Variants in RBM25 observed in about 807,000 individuals in gnomAD.
RBM25 encodes the protein RNA-binding protein 25.
In RBM25, 19 loss-of-function variants were observed where a neutral mutation model predicts 120.7. That is an observed-to-expected ratio of 0.16 (90% CI 0.11 to 0.23). The LOEUF (loss-of-function observed/expected upper bound fraction) is 0.23, where lower values mean the gene tolerates loss of function less well. Among genes scored for constraint, RBM25 ranks in the 10% least tolerant of loss-of-function variants. The pLI is 1.00. For synonymous variants in RBM25, 390 were observed against 326.7 expected, an observed-to-expected ratio of 1.19 and a Z score of -2.09; for missense variants, 605 against 1,041.5, an observed-to-expected ratio of 0.58 and a Z score of 5.77.
At chr14:73,084,593 C>T (rs1236556086) in intron 5 of RBM25, among the ~76,000 whole-genome samples, 1 of 152,030 alleles carries the variant, frequency 6.6e-6, no homozygotes, top group Non-Finnish European at 1.5e-5. Context: ...GCTCTTCTTG[C>T]CCAGGCTGGA....
At chr14:73,087,780 A>G (rs146926308) in intron 5 of RBM25, among the ~76,000 whole-genome samples, 1 of 152,242 alleles carries the variant, frequency 6.6e-6, no homozygotes, top group East Asian at 1.9e-4. Flanking sequence ...GTCTGATTTG[A>G]ATTTTTCTTC....
At chr14:73,073,075 T>C (rs1449860532) in intron 2 of RBM25, among the ~76,000 whole-genome samples, 1 of 152,110 alleles carries the variant, frequency 6.6e-6, no homozygotes, top group Admixed American at 6.6e-5. Context: ...TGCCACCATG[T>C]TCAGTTAATT....
chr14:73,076,606 A>G (rs1895428259), intron 3 of RBM25, among the ~76,000 whole-genome samples: 1 of 152,040 alleles, frequency 6.6e-6, no homozygotes, highest in African/African-American at 2.4e-5. Flanking sequence ...TTTTCCTGTT[A>G]CTATCTAGAC....
intron 1 of RBM25, among the ~76,000 whole-genome samples, chr14:73,069,261 T>C (rs1895217720): frequency 1.3e-5 from 2 of 152,198 alleles, no homozygotes; most frequent in East Asian, 3.8e-4. Flanking sequence ...AGGGAGAAAT[T>C]CACATGATGT....
intron 1 of RBM25, among the ~76,000 whole-genome samples, chr14:73,059,768 T>C (rs1322995356): frequency 6.6e-6 from 1 of 152,246 alleles, no homozygotes; most frequent in East Asian, 1.9e-4. Context: ...AAGTGAATCT[T>C]ATAGTATTCT....
At chr14:73,114,722 C>T (rs374099957) in intron 18 of RBM25, among the ~76,000 whole-genome samples, 4 of 152,168 alleles carry the variant, frequency 2.6e-5, no homozygotes, top group East Asian at 1.9e-4. Context: ...GGTGAAACCC[C>T]GTCTCTATGA....
At chr14:73,075,689 T>C (rs1340531840) in intron 2 of RBM25, among the ~76,000 whole-genome samples, 1 of 152,234 alleles carries the variant, frequency 6.6e-6, no homozygotes, top group Non-Finnish European at 1.5e-5. Flanking sequence ...TATTTTTTGT[T>C]GTTGTGAGAA....
At chr14:73,098,910 A>G (rs529488813) in intron 7 of RBM25, among the ~76,000 whole-genome samples, 2 of 152,316 alleles carry the variant, frequency 1.3e-5, no homozygotes, top group African/African-American at 2.4e-5. Flanking sequence ...CCCGACCCAT[A>G]ACTTTTCTAA....
chr14:73,071,516 A>C, intron 1 of RBM25, 111 bp from the exon 2 acceptor site: 1 of 743,098 alleles, frequency 1.3e-6, no homozygotes, highest in South Asian at 1.6e-5. Flanking sequence ...TTCTTTGGGT[A>C]AGAAAAGTTC....
intron 18 of RBM25, 90 bp downstream of exon 18, chr14:73,114,423 C>T (rs539307352): frequency 1.1e-5 from 10 of 921,388 alleles, no homozygotes; most frequent in South Asian, 6.7e-5. Flanking sequence ...GGTCTCACCA[C>T]GTTGCCCAGG....
chr14:73,113,673 CAA>C (rs1220235170), intron 17 of RBM25, among the ~76,000 whole-genome samples: 4 of 151,394 alleles, frequency 2.6e-5, no homozygotes, highest in African/African-American at 9.7e-5. Flanking sequence ...GCCTGTGTGA[CAA>C]GAGTGAGACT....
chr14:73,096,728 G>T (rs1324046975), intron 6 of RBM25, among the ~76,000 whole-genome samples, 187 bp from the exon 7 acceptor site: 1 of 152,150 alleles, frequency 6.6e-6, no homozygotes, highest in Non-Finnish European at 1.5e-5. Flanking sequence ...AAATGAAGTA[G>T]TATCTCAGGA....
intron 9 of RBM25, chr14:73,101,518 A>G: frequency 6.6e-6 from 1 of 150,572 alleles, no homozygotes; most frequent in East Asian, 1.9e-4. Flanking sequence ...GTGTGTATAT[A>G]TATATATATA....
At chr14:73,107,991 G>T in intron 13 of RBM25, 92 bp downstream of exon 13, 1 of 839,284 alleles carries the variant, frequency 1.2e-6, no homozygotes, top group East Asian at 2.6e-5. Context: ...TCACTAAGTG[G>T]AATAAGAAAA....
intron 17 of RBM25, among the ~76,000 whole-genome samples, chr14:73,113,306 T>TG (rs1896354271): frequency 6.6e-6 from 1 of 151,874 alleles, no homozygotes; most frequent in Admixed American, 6.6e-5. Context: ...AGGCTGGTCT[T>TG]GAACTCCTGA....
At chr14:73,105,775 C>A in intron 10 of RBM25, 84 bp from the exon 11 acceptor site, 2 of 1,540,460 alleles carry the variant, frequency 1.3e-6, no homozygotes, top group South Asian at 1.3e-5. Context: ...TATATTATTT[C>A]ATAATGTATG....
At chr14:73,097,202 T>TTTC (rs1412333143) in intron 7 of RBM25, 102 bp downstream of exon 7, 22 of 699,654 alleles carry the variant, frequency 3.1e-5, no homozygotes, top group Middle Eastern at 4.7e-4. Context: ...TTTTCTTTTT[T>TTTC]TTTTTTTTTT....
rs531257842 is a variant in RBM25, at chr14:73,087,933, C to T, written c.383-68C>T. ...AAACATTTGGACTCTAGTGATTCTA[C>T]TTTTCCATAATTTTTTTTCTTTTGT... On this transcript the variant is annotated intron_variant, in intron 5 of 18. Coordinates refer to ENST00000261973, the MANE Select transcript of RBM25 (RefSeq NM_021239.3). The T allele has an allele frequency of 7.1e-5, 107 of 1,505,750 alleles. No individual in the cohort carries two copies. In the African/African-American group the frequency reaches 1.3e-3, roughly 19 times the overall value. The allele number at this position is 1,505,750 out of a possible 1,614,324, so 93.3% of individuals were successfully genotyped here. A position where few individuals can be genotyped will look rare whatever the true frequency, so the allele number is the denominator to read the frequency against.
chr14:73,099,522 A>G, intron 8 of RBM25, 89 bp downstream of exon 8: 1 of 1,584,286 alleles, frequency 6.3e-7, no homozygotes, highest in Non-Finnish European at 8.6e-7. Context: ...TTCACTATTT[A>G]ACTTTAGATT....
Sources: gnomAD v4.1 joint callset for allele counts (sites outside exome capture counted in the v4.1 genomes callset) on GRCh38, gnomAD v4.1.1 for gene constraint, MANE v1.5 for transcripts, NCBI Gene and HGNC (gene_info 2026-07-23, HGNC 2026-07-21) for gene names.